The following WDR41 variants were observed in gnomAD, a reference collection of about 807,000 sequenced individuals.
WDR41 encodes the protein WD repeat-containing protein 41.
WDR41 carries 63 observed loss-of-function variants against 69.3 expected under a neutral mutation model. The ratio of observed to expected loss-of-function variants is 0.91; its 90% CI spans 0.74 to 1.12. The LOEUF is 1.12. Among genes scored for constraint, WDR41 ranks in the 50% most tolerant of loss-of-function variants. The probability of loss-of-function intolerance (pLI) is 0.00; values close to 1 mark genes in which losing one functional copy is unlikely to be tolerated. For missense variants in WDR41, 543 were observed against 534.5 expected, an observed-to-expected ratio of 1.02 and a Z score of -0.16; for synonymous variants, 185 against 192.1, an observed-to-expected ratio of 0.96 and a Z score of 0.31.
rs373184531 is a variant in WDR41, at chr5:77,446,860, T to C, written c.697+2900A>G. 7.9e-5 allele frequency among the ~76,000 whole-genome samples: 12 copies of C among 152,276 alleles called. No individual in the cohort carries two copies. The South Asian group carries it at 2.3e-3, about 29-fold the overall frequency. On this transcript the variant is annotated intron_variant, in intron 8 of 12. Transcript: ENST00000296679. ...GGCAATACCATTCAGAACACAGGCA[T>C]GGGCAAAGACTTCATGACAAAGATG...
intron 1 of WDR41, among the ~76,000 whole-genome samples, chr5:77,567,789 C>T (rs1743661164): frequency 6.6e-6 from 1 of 151,748 alleles, no homozygotes; most frequent in East Asian, 1.9e-4. Context: ...GGTTTGGGTC[C>T]AAGTATATGC....
intron 1 of WDR41, among the ~76,000 whole-genome samples, chr5:77,618,067 G>A (rs1744709624): frequency 6.6e-6 from 1 of 152,200 alleles, no homozygotes; most frequent in Non-Finnish European, 1.5e-5. Flanking sequence ...GTCAGTAAAA[G>A]ACTTAACATT....
At chr5:77,505,394 A>C (rs538113529) in intron 1 of WDR41, among the ~76,000 whole-genome samples, 1 of 152,314 alleles carries the variant, frequency 6.6e-6, no homozygotes, top group African/African-American at 2.4e-5. Context: ...AAACAAATGG[A>C]AGAACATTCC....
intron 2 of WDR41, among the ~76,000 whole-genome samples, chr5:77,476,590 G>A (rs939403726): frequency 6.6e-6 from 1 of 151,110 alleles, no homozygotes; most frequent in African/African-American, 2.4e-5. Context: ...ATAAGTGAAG[G>A]AGAAATAAAA....
At chr5:77,585,755 T>A (rs1278302463) in intron 1 of WDR41, among the ~76,000 whole-genome samples, 1 of 152,118 alleles carries the variant, frequency 6.6e-6, no homozygotes, top group African/African-American at 2.4e-5. Flanking sequence ...TTCCCACTGA[T>A]ATGTAGGAGC....
chr5:77,509,553 T>G (rs571477480), intron 1 of WDR41, among the ~76,000 whole-genome samples: 2 of 152,276 alleles, frequency 1.3e-5, no homozygotes, highest in African/African-American at 4.8e-5. Flanking sequence ...GCTGCGACAT[T>G]GATGATCATT....
chr5:77,591,635 T>C (rs535250991), intron 1 of WDR41, among the ~76,000 whole-genome samples: 240 of 152,166 alleles, frequency 1.6e-3, no homozygotes, highest in Non-Finnish European at 2.7e-3. Flanking sequence ...TAATTTCCAA[T>C]TTGATTTCTT....
intron 1 of WDR41, chr5:77,582,400 A>C: frequency 6.2e-7 from 1 of 1,610,690 alleles, no homozygotes; most frequent in Non-Finnish European, 8.5e-7. Flanking sequence ...AGAGAAGAAG[A>C]AGGAGGTTCC....
intron 1 of WDR41, among the ~76,000 whole-genome samples, chr5:77,516,562 C>T (rs1195899159): frequency 6.9e-6 from 1 of 145,458 alleles, no homozygotes; most frequent in African/African-American, 2.6e-5. Flanking sequence ...TAGTCCAGGG[C>T]TGTTTTAGCA....
intron 1 of WDR41, among the ~76,000 whole-genome samples, chr5:77,538,674 G>A (rs1288394282): frequency 6.6e-6 from 1 of 152,140 alleles, no homozygotes; most frequent in Non-Finnish European, 1.5e-5. Flanking sequence ...CAAAAAGACA[G>A]GATTTCATTC....
At chr5:77,482,419 T>C (rs558492334) in intron 2 of WDR41, among the ~76,000 whole-genome samples, 2 of 152,288 alleles carry the variant, frequency 1.3e-5, no homozygotes, top group South Asian at 4.1e-4. Context: ...ATCTCTAATA[T>C]CTCTTTTATT....
intron 1 of WDR41, among the ~76,000 whole-genome samples, chr5:77,580,836 T>C (rs1580024337): frequency 2.0e-5 from 3 of 151,474 alleles, no homozygotes. Context: ...GGCACCTGTA[T>C]TCCCAGCTAC....
At chr5:77,562,049 T>C (rs1006255699) in intron 1 of WDR41, among the ~76,000 whole-genome samples, 2 of 152,230 alleles carry the variant, frequency 1.3e-5, no homozygotes, top group East Asian at 3.9e-4. Flanking sequence ...TATTGTAAGT[T>C]GTGAAAATCC....
chr5:77,522,346 A>G (rs1356948344), intron 1 of WDR41, among the ~76,000 whole-genome samples: 1 of 152,202 alleles, frequency 6.6e-6, no homozygotes, highest in African/African-American at 2.4e-5. Context: ...GAATCTTTAA[A>G]AGAAACGGAA....
intron 1 of WDR41, chr5:77,582,319 CAA>C: frequency 6.7e-7 from 1 of 1,502,148 alleles, no homozygotes; most frequent in East Asian, 2.3e-5. Context: ...AGATATATAA[CAA>C]GTTAACAAGT....
chr5:77,600,616 T>G (rs1744305488), intron 1 of WDR41, among the ~76,000 whole-genome samples: 1 of 152,186 alleles, frequency 6.6e-6, no homozygotes, highest in African/African-American at 2.4e-5. Context: ...GCACAGTGGC[T>G]CACGCCTATA....
At position 77,431,737 on chromosome 5, in the gene WDR41, A is replaced by T. The variant is rs1338038257; in HGVS notation, c.*1398T>A. The T allele has an allele frequency of 6.6e-6, 1 of 152,236 alleles. No homozygotes were observed. The highest frequency in any genetic ancestry group is 1.5e-5 in the Non-Finnish European group (1 of 68,040). The allele number at this position is 152,236 out of a possible 1,614,324, so 9.4% of individuals were successfully genotyped here. A position where few individuals can be genotyped will look rare whatever the true frequency, so the allele number is the denominator to read the frequency against. The stretch of plus-strand genomic sequence containing the variant: ...CTTCAGAAAACAACTTTACAAATGT[A>T]TGGGCCAATGCAGAATTTCTAAAGG... On this transcript the variant is annotated 3_prime_UTR_variant, in exon 13 of 13. Coordinates refer to ENST00000296679, the MANE Select transcript of WDR41 (RefSeq NM_018268.4).
intron 9 of WDR41, among the ~76,000 whole-genome samples, chr5:77,440,410 T>C: frequency 6.6e-6 from 1 of 152,216 alleles, no homozygotes; most frequent in South Asian, 2.1e-4. Context: ...TCAATTTATC[T>C]TGCCCCAAGA....
At chr5:77,458,596 G>A (rs944311447) in intron 5 of WDR41, among the ~76,000 whole-genome samples, 1 of 152,058 alleles carries the variant, frequency 6.6e-6, no homozygotes, top group Admixed American at 6.6e-5. Flanking sequence ...GTTTGTAAAA[G>A]GAATAAACCT....
Sources: allele counts gnomAD v4.1 joint callset (sites outside exome capture counted in the v4.1 genomes callset), GRCh38; gene constraint gnomAD v4.1.1; transcripts MANE v1.5; gene names NCBI Gene and HGNC (gene_info 2026-07-23, HGNC 2026-07-21).